MGST2: variants seen among roughly 807,000 people sequenced by gnomAD.
MGST2 encodes the protein microsomal glutathione S-transferase 2.
In MGST2, 9 loss-of-function variants were observed where a neutral mutation model predicts 16.6. The ratio of observed to expected loss-of-function variants is 0.54; its 90% CI spans 0.33 to 0.95. The LOEUF (loss-of-function observed/expected upper bound fraction) is 0.95. Among genes scored for constraint, MGST2 ranks in the 40% least tolerant of loss-of-function variants. The pLI is 0.03. For synonymous variants in MGST2, 79 were observed against 68.0 expected (o/e 1.16, Z -0.79); for missense variants, 159 against 175.1 (o/e 0.91, Z 0.52).
chr4:139,703,401 A>C, intron 3 of MGST2, 54 bp from the exon 4 acceptor site: 1 of 1,393,956 alleles, frequency 7.2e-7, no homozygotes, highest in Non-Finnish European at 1.0e-6. Flanking sequence ...CAACATCTTA[A>C]GAGACTGCTG....
chr4:139,719,774 G>A, intron 5 of MGST2: 1 of 1,613,702 alleles, frequency 6.2e-7, no homozygotes, highest in Non-Finnish European at 8.5e-7. Context: ...AGCTTGAAGA[G>A]GGTAGCTGGC....
intron 2 of MGST2, among the ~76,000 whole-genome samples, chr4:139,693,404 CAAAAAAAAA>C (rs55723907): frequency 1.5e-5 from 1 of 66,802 alleles, no homozygotes; most frequent in Non-Finnish European, 3.0e-5. Context: ...GACTACGTCT[CAAAAAAAAA>C]AAAAAAAAAA....
chr4:139,751,957 C>T, the MGST2 span, among the ~76,000 whole-genome samples: 1 of 152,284 alleles, frequency 6.6e-6, no homozygotes, highest in East Asian at 1.9e-4. Context: ...AAAAGGAAGC[C>T]TGTATTGCAT....
intron 5 of MGST2, among the ~76,000 whole-genome samples, chr4:139,712,708 A>C (rs1727787704): frequency 6.6e-6 from 1 of 152,148 alleles, no homozygotes; most frequent in African/African-American, 2.4e-5. Context: ...GAAATTCTTT[A>C]CTTACCATAG....
At chr4:139,717,399 C>T (rs1390391820) in intron 5 of MGST2, 1 of 152,314 alleles carries the variant, frequency 6.6e-6, no homozygotes, top group East Asian at 1.9e-4. Flanking sequence ...GGTTTCATCT[C>T]TTTGATCCAC....
At chr4:139,706,879 G>A (rs60769360), downstream of MGST2, among the ~76,000 whole-genome samples, 5,055 of 152,232 alleles carry the variant, frequency 0.033, 204 homozygotes, top group East Asian at 0.18. Context: ...TGGCCACAGA[G>A]ATGTGGGTTT....
At chr4:139,681,905 T>C (rs1167368900) in intron 2 of MGST2, among the ~76,000 whole-genome samples, 1 of 152,086 alleles carries the variant, frequency 6.6e-6, no homozygotes, top group Admixed American at 6.6e-5. Flanking sequence ...AAGAAAATAA[T>C]ATAAGCTGGG....
intron 3 of MGST2, among the ~76,000 whole-genome samples, chr4:139,701,443 A>T (rs1416489157): frequency 6.6e-6 from 1 of 152,048 alleles, no homozygotes; most frequent in African/African-American, 2.4e-5. Flanking sequence ...GCCGATACAG[A>T]TGTCATCCCC....
At chr4:139,739,290 C>A (rs1375562112) in intron 5 of MGST2, among the ~76,000 whole-genome samples, 2 of 152,332 alleles carry the variant, frequency 1.3e-5, no homozygotes, top group East Asian at 3.9e-4. Context: ...GAGAATGCCA[C>A]CAGCCACAGG....
chr4:139,737,753 T>C (rs931321336), intron 5 of MGST2, among the ~76,000 whole-genome samples: 1 of 152,252 alleles, frequency 6.6e-6, no homozygotes, highest in African/African-American at 2.4e-5. Flanking sequence ...TTACAAACTT[T>C]CTTTTTCCAG....
chr4:139,741,156 A>G (rs1163188117), downstream of MGST2, among the ~76,000 whole-genome samples: 1 of 152,176 alleles, frequency 6.6e-6, no homozygotes, highest in East Asian at 1.9e-4. Context: ...TAGAGCAGGG[A>G]AAAACAAGGA....
the MGST2 span, among the ~76,000 whole-genome samples, chr4:139,748,188 C>T: frequency 2.0e-5 from 3 of 152,028 alleles, no homozygotes; most frequent in African/African-American, 7.2e-5. Flanking sequence ...TCTAAGAGGG[C>T]CTCCATCTCT....
At chr4:139,672,085 A>T (rs1334234014) in intron 1 of MGST2, among the ~76,000 whole-genome samples, 3 of 152,174 alleles carry the variant, frequency 2.0e-5, no homozygotes, top group African/African-American at 7.2e-5. Context: ...AGTAGGTGGG[A>T]TATCTCAGTA....
rs59259375 is a variant in MGST2 at position 139,739,720 on chromosome 4, T to TAAA, written c.*49-481_*49-479dup. 3.8e-4 allele frequency among the ~76,000 whole-genome samples: 51 copies of TAAA among 134,158 alleles called. No homozygotes were observed. The South Asian group carries it at 6.1e-3, about 16-fold the overall frequency. 88.0% of individuals were successfully genotyped at this position (134,158 alleles called of 152,430 possible). On this transcript the variant is annotated intron_variant, in intron 5 of 5. Transcript: ENST00000616265. ...CTTTTATGTCCTCAGGTGTTAAAAC[T>TAAA]AAAAAAAAAAAAAGAAAAAAGCAGT...
At position 139,715,938 on chromosome 4, in the gene MGST2, T is replaced by A. The variant is rs1427069315; in HGVS notation, c.*48+11742T>A. The stretch of plus-strand genomic sequence containing the variant: ...AGGTTTCAGTCTCATTTTACCCAGC[T>A]CCTATTTAACATGGAGTTGCTCTGG... On this transcript the variant is annotated intron_variant, in intron 5 of 5. Transcript: ENST00000616265. The surrounding 1 kb of genome is among the most constrained non-coding windows in gnomAD (Gnocchi z 4.4). Among the ~76,000 whole-genome samples, 1 of 152,174 alleles carries A rather than the reference T, an allele frequency of 6.6e-6. No individual in the cohort carries two copies. The highest frequency in any genetic ancestry group is 1.5e-5 in the Non-Finnish European group (1 of 68,026).
chr4:139,679,806 C>T (rs1024907517), intron 2 of MGST2, among the ~76,000 whole-genome samples: 6 of 152,134 alleles, frequency 3.9e-5, no homozygotes, highest in Admixed American at 2.0e-4. Context: ...GATGAGAAGT[C>T]ATTCTCATTT....
intron 5 of MGST2, chr4:139,717,131 A>G (rs1279469893): frequency 6.6e-6 from 1 of 152,584 alleles, no homozygotes; most frequent in Non-Finnish European, 1.5e-5. Context: ...CTTTTTTTAG[A>G]CATTACATAT....
downstream of MGST2, among the ~76,000 whole-genome samples, chr4:139,707,199 C>A (rs1394167557): frequency 1.3e-5 from 2 of 151,908 alleles, no homozygotes; most frequent in South Asian, 2.1e-4. Context: ...TATACCTCCC[C>A]CCTCTCCCCA....
At chr4:139,700,422 C>T (rs1304337639) in intron 3 of MGST2, among the ~76,000 whole-genome samples, 2 of 152,116 alleles carry the variant, frequency 1.3e-5, no homozygotes, top group Non-Finnish European at 2.9e-5. Context: ...TGAGCCACCA[C>T]GCCCGGCCAC....
Sources: gnomAD v4.1 joint callset for allele counts (sites outside exome capture counted in the v4.1 genomes callset) on GRCh38, gnomAD v4.1.1 for gene constraint, Gnocchi (gnomAD v3.1) non-coding constraint, MANE v1.5 for transcripts, NCBI Gene and HGNC (gene_info 2026-07-23, HGNC 2026-07-21) for gene names.